Variants in MAP2K5 observed in about 807,000 individuals in gnomAD.
MAP2K5 encodes mitogen-activated protein kinase kinase 5.
In MAP2K5, 49 loss-of-function variants were observed where a neutral mutation model predicts 83.1. That is an observed-to-expected ratio of 0.59 (90% confidence interval 0.47 to 0.75). The LOEUF is 0.75. Among genes scored for constraint, MAP2K5 ranks in the 30% least tolerant of loss-of-function variants. MAP2K5 has a pLI of 0.00. For synonymous variants in MAP2K5, 202 were observed against 191.8 expected, an observed-to-expected ratio of 1.05 and a Z score of -0.44; for missense variants, 457 against 557.5, an observed-to-expected ratio of 0.82 and a Z score of 1.82.
chr15:67,575,115 TG>T (rs2085027227), intron 3 of MAP2K5, among the ~76,000 whole-genome samples: 1 of 152,210 alleles, frequency 6.6e-6, no homozygotes, highest in South Asian at 2.1e-4. Flanking sequence ...CAACTGGTTA[TG>T]TTTCAGAACT....
At chr15:67,578,747 C>G (rs72749331) in intron 3 of MAP2K5, among the ~76,000 whole-genome samples, 1 of 151,876 alleles carries the variant, frequency 6.6e-6, no homozygotes, top group Admixed American at 6.6e-5. Flanking sequence ...GAAAGGAAAA[C>G]CATTTTTATT....
At position 67,636,226 on chromosome 15, in the gene MAP2K5, G is replaced by T. The variant is rs961338400; in HGVS notation, c.585+5299G>T. Among the ~76,000 whole-genome samples the T allele has an allele frequency of 6.6e-6, 1 of 152,134 alleles. No individual in the cohort carries two copies. Among genetic ancestry groups the T allele is most frequent in the Non-Finnish European group, 1.5e-5 (1 of 68,022 alleles). The stretch of plus-strand genomic sequence containing the variant: ...AGGAGATCGAGACCATCCTAACACG[G>T]TGAAACCCCATTTCTACTAAAAATA... On this transcript the variant is annotated intron_variant, in intron 9 of 21. Transcript: ENST00000178640. This position sits in a 1 kb window ranked among gnomAD's most constrained non-coding sequence, Gnocchi z 4.7.
chr15:67,543,262 C>T lies in MAP2K5; in HGVS notation c.-74C>T. 1 of 1,528,952 alleles carries T rather than the reference C, an allele frequency of 6.5e-7. No homozygotes were observed. The highest frequency in any genetic ancestry group is 9.0e-7 in the Non-Finnish European group (1 of 1,107,192). 94.7% of individuals were successfully genotyped at this position (1,528,952 alleles called of 1,614,324 possible). A position where few individuals can be genotyped will look rare whatever the true frequency, so the allele number is the denominator to read the frequency against. On this transcript the variant is annotated 5_prime_UTR_variant, in exon 1 of 22. Coordinates refer to ENST00000178640, the MANE Select transcript of MAP2K5 (RefSeq NM_145160.3). This position sits in a 1 kb window ranked among gnomAD's most constrained non-coding sequence, Gnocchi z 4.3. ...CCTCTGCCCGTCACTCCCCTTGTCA[C>T]CTCTTGGAGCCCCCTCCTAACCAGC...
At chr15:67,618,145 G>A (rs759712844) in intron 8 of MAP2K5, among the ~76,000 whole-genome samples, 3 of 152,176 alleles carry the variant, frequency 2.0e-5, no homozygotes, top group Non-Finnish European at 1.5e-5. Flanking sequence ...AACATTTCAA[G>A]GAGTAAATAA....
intron 21 of MAP2K5, among the ~76,000 whole-genome samples, chr15:67,805,490 T>G (rs2090785307): frequency 6.6e-6 from 1 of 152,208 alleles, no homozygotes; most frequent in African/African-American, 2.4e-5. Flanking sequence ...AAGCAGCCTC[T>G]CTAGGGCTGC....
At position 67,769,513 on chromosome 15, in the gene MAP2K5, T is replaced by A; in HGVS notation, c.1135-89T>A. 8.9e-7 allele frequency: 1 copy of A among 1,124,064 alleles called. No homozygotes were observed. The allele number at this position is 1,124,064 out of a possible 1,614,324, so 69.6% of individuals were successfully genotyped here. ...CTTATTCTCATTGTATTCATCTTTA[T>A]ACTCATCCTTCACATGGGTGGGTGG... is the stretch of plus-strand genomic sequence containing the variant. On this transcript the variant is annotated intron_variant, in intron 19 of 21. Coordinates refer to ENST00000178640, the MANE Select transcript of MAP2K5 (RefSeq NM_145160.3). The surrounding 1 kb of genome is among the most constrained non-coding windows in gnomAD (Gnocchi z 5.2).
chr15:67,599,896 C>G (rs2085616512), intron 7 of MAP2K5, among the ~76,000 whole-genome samples: 1 of 152,056 alleles, frequency 6.6e-6, no homozygotes, highest in South Asian at 2.1e-4. Flanking sequence ...TCTCTAAACT[C>G]TAAAACATTA....
intron 3 of MAP2K5, among the ~76,000 whole-genome samples, chr15:67,580,468 C>A (rs908828207): frequency 3.3e-5 from 5 of 152,058 alleles, no homozygotes; most frequent in African/African-American, 4.8e-5. Flanking sequence ...CTTTATGTGT[C>A]GTCTAAATAT....
Position 67,692,646 on chromosome 15 carries a change from C to G in MAP2K5, c.921+94C>G. 3 of 891,792 alleles carry G rather than the reference C, an allele frequency of 3.4e-6. No homozygotes were observed. The Admixed American group carries it at 6.4e-5, about 19-fold the overall frequency. 55.2% of individuals were successfully genotyped at this position (891,792 alleles called of 1,614,324 possible). ...CTGGATTGAAAAATCACCTAGCTGC[C>G]AGACAAACAGAAACTCTGCATCTTT... On this transcript the variant is annotated intron_variant, in intron 14 of 21. Transcript: ENST00000178640.
chr15:67,569,740 G>C (rs1180932676), intron 3 of MAP2K5, among the ~76,000 whole-genome samples: 1 of 152,138 alleles, frequency 6.6e-6, no homozygotes. Context: ...CCTCAGTCTT[G>C]GTGGCACCAG....
chr15:67,588,093 C>T, intron 6 of MAP2K5: 1 of 985,390 alleles, frequency 1.0e-6, no homozygotes, highest in South Asian at 4.7e-5. Flanking sequence ...ACCTTCACTG[C>T]TCTTCATGCT....
At chr15:67,706,948 C>T (rs911818961) in intron 16 of MAP2K5, among the ~76,000 whole-genome samples, 10 of 152,186 alleles carry the variant, frequency 6.6e-5, no homozygotes, top group Admixed American at 6.5e-4. Context: ...CGGAGTCTTG[C>T]TCTGTCGCCC....
Position 67,543,652 on chromosome 15 carries a change from C to G in MAP2K5, c.135+182C>G, listed in dbSNP as rs2084339532. Among the ~76,000 whole-genome samples, 2 of 152,164 alleles carry G rather than the reference C, an allele frequency of 1.3e-5. No individual in the cohort carries two copies. The highest frequency in any genetic ancestry group is 1.3e-4 in the Admixed American group (2 of 15,278). On this transcript the variant is annotated intron_variant, in intron 1 of 21. Coordinates refer to ENST00000178640, the MANE Select transcript of MAP2K5 (RefSeq NM_145160.3). The surrounding 1 kb of genome is among the most constrained non-coding windows in gnomAD (Gnocchi z 4.3). Reference sequence around the variant, plus strand: ...GCAACCACTAAAACCTGGCAAATGTCTAGGACCCTGGGGAGATAGATCAAT... The same window carrying G: ...GCAACCACTAAAACCTGGCAAATGTGTAGGACCCTGGGGAGATAGATCAAT...
At chr15:67,739,959 T>G (rs755856013) in intron 17 of MAP2K5, among the ~76,000 whole-genome samples, 3 of 152,108 alleles carry the variant, frequency 2.0e-5, no homozygotes, top group Non-Finnish European at 2.9e-5. Context: ...CATTACCATG[T>G]GGTAGGGAGC....
In MAP2K5 at chr15:67,775,085, G is replaced by GC. The variant is rs2090213417; in HGVS notation, c.1242+2335dup. On this transcript the variant is annotated intron_variant, in intron 21 of 21. Transcript: ENST00000178640. The surrounding 1 kb of genome is among the most constrained non-coding windows in gnomAD (Gnocchi z 5.3). ...AGATCACCCTTACTCCTGGGTCTGG[G>GC]CCATGCAGAGTGGGCACTTAGGTGG... 6.6e-6 allele frequency among the ~76,000 whole-genome samples: 1 copy of GC among 152,182 alleles called. No individual in the cohort carries two copies. Among genetic ancestry groups the GC allele is most frequent in the South Asian group, 2.1e-4 (1 of 4,832 alleles).
rs1216434765 is a variant in MAP2K5 at position 67,576,935 on chromosome 15, T to A, written c.253-3819T>A. Among the ~76,000 whole-genome samples, 340 of 142,446 alleles carry A rather than the reference T, an allele frequency of 2.4e-3. 22 individuals are homozygous for A. Among genetic ancestry groups the A allele is most frequent in the African/African-American group, 5.3e-3 (210 of 39,912 alleles). The allele number at this position is 142,446 out of a possible 152,430, so 93.5% of individuals were successfully genotyped here. On this transcript the variant is annotated intron_variant, in intron 3 of 21. Coordinates refer to ENST00000178640, the MANE Select transcript of MAP2K5 (RefSeq NM_145160.3). ...CAGTAACCCTATATATATATTTTTT[T>A]TTTTTTTTTTTGAGACGGAGTCTCG...
chr15:67,596,105 G>A (rs1240263248), intron 7 of MAP2K5, among the ~76,000 whole-genome samples: 1 of 151,758 alleles, frequency 6.6e-6, no homozygotes, highest in African/African-American at 2.4e-5. Context: ...TCTTTTGGCT[G>A]TTATTTTGAT....
rs947890232 is a variant in MAP2K5, at chr15:67,750,475, A to G, written c.1134+1874A>G. On this transcript the variant is annotated intron_variant, in intron 19 of 21. Coordinates refer to ENST00000178640, the MANE Select transcript of MAP2K5 (RefSeq NM_145160.3). The surrounding 1 kb of genome is among the most constrained non-coding windows in gnomAD (Gnocchi z 4.2). ...GTCCTGTACTTACTGCACTTGTCCTATGTGTCTGTCAGAGTTCTCATTGCT... is the reference window on the plus strand; with the variant it reads ...GTCCTGTACTTACTGCACTTGTCCTGTGTGTCTGTCAGAGTTCTCATTGCT... 2.0e-5 allele frequency among the ~76,000 whole-genome samples: 3 copies of G among 152,212 alleles called. No homozygotes were observed. The highest frequency in any genetic ancestry group is 2.4e-5 in the African/African-American group (1 of 41,446).
intron 8 of MAP2K5, among the ~76,000 whole-genome samples, chr15:67,624,700 G>A (rs531422206): frequency 3.4e-4 from 51 of 151,816 alleles, no homozygotes; most frequent in African/African-American, 1.2e-3. Flanking sequence ...TGCAATCTCA[G>A]CTCATTGCAC....
Sources: allele counts gnomAD v4.1 joint callset (sites outside exome capture counted in the v4.1 genomes callset), GRCh38; gene constraint gnomAD v4.1.1; non-coding constraint Gnocchi (gnomAD v3.1); transcripts MANE v1.5; gene names NCBI Gene and HGNC (gene_info 2026-07-23, HGNC 2026-07-21).